GNAQ: variants seen among roughly 807,000 people sequenced by gnomAD.
GNAQ encodes the protein guanine nucleotide-binding protein G(q) subunit alpha.
In GNAQ, 8 loss-of-function variants were observed where a neutral mutation model predicts 43.9. The ratio of observed to expected loss-of-function variants is 0.18; its 90% CI spans 0.11 to 0.33. The LOEUF (loss-of-function observed/expected upper bound fraction) is 0.33. GNAQ is among the 10% of genes least tolerant of loss of function. The probability of loss-of-function intolerance (pLI) is 1.00; values close to 1 mark genes in which losing one functional copy is unlikely to be tolerated. For synonymous variants in GNAQ, 155 were observed against 170.7 expected, an observed-to-expected ratio of 0.91 and a Z score of 0.71; for missense variants, 158 against 450.8, an observed-to-expected ratio of 0.35 and a Z score of 5.88.
chr9:77,888,554 A>G (rs994893773), intron 2 of GNAQ, among the ~76,000 whole-genome samples: 1 of 152,168 alleles, frequency 6.6e-6, no homozygotes, highest in African/African-American at 2.4e-5. Flanking sequence ...CAATCCCCTA[A>G]TGCCTCAGGA....
intron 2 of GNAQ, among the ~76,000 whole-genome samples, chr9:77,850,435 G>A (rs1382508469): frequency 6.6e-6 from 1 of 152,082 alleles, no homozygotes; most frequent in African/African-American, 2.4e-5. Flanking sequence ...TCTCCTGCTC[G>A]GGCCACAGCA....
intron 2 of GNAQ, among the ~76,000 whole-genome samples, chr9:77,880,483 C>T (rs900589109): frequency 3.3e-5 from 5 of 151,736 alleles, no homozygotes; most frequent in Non-Finnish European, 7.4e-5. Context: ...TGGGATCAAG[C>T]GACCCTCCCA....
chr9:77,783,139 GTGATAA>G (rs1826422000), intron 5 of GNAQ, among the ~76,000 whole-genome samples: 1 of 152,194 alleles, frequency 6.6e-6, no homozygotes, highest in African/African-American at 2.4e-5. Context: ...TGTAAACTGG[GTGATAA>G]TGATGTATAT....
At chr9:77,829,615 G>C (rs1382924629) in intron 2 of GNAQ, among the ~76,000 whole-genome samples, 2 of 152,118 alleles carry the variant, frequency 1.3e-5, no homozygotes, top group Non-Finnish European at 2.9e-5. Context: ...CCCACCCGCA[G>C]CCTTGAGAGC....
chr9:77,748,597 G>C (rs1825765909), intron 5 of GNAQ, among the ~76,000 whole-genome samples: 1 of 152,178 alleles, frequency 6.6e-6, no homozygotes, highest in Non-Finnish European at 1.5e-5. Flanking sequence ...AGCCTAAGTG[G>C]TATCTGTAAT....
In GNAQ at chr9:77,716,990, A is replaced by G; in HGVS notation, c.*4333T>C. The stretch of plus-strand genomic sequence containing the variant: ...AAATGACAAGTTTAGGGTCTGTACT[A>G]AGTTATCTACTAAACAGCAGGTGTC... On this transcript the variant is annotated 3_prime_UTR_variant, in exon 7 of 7. Coordinates refer to ENST00000286548, the MANE Select transcript of GNAQ (RefSeq NM_002072.5). 1 of 232,808 alleles carries G rather than the reference A, an allele frequency of 4.3e-6. No individual in the cohort carries two copies. The highest frequency in any genetic ancestry group is 6.1e-5 in the East Asian group (1 of 16,462). 14.4% of individuals were successfully genotyped at this position (232,808 alleles called of 1,614,324 possible). A position where few individuals can be genotyped will look rare whatever the true frequency, so the allele number is the denominator to read the frequency against.
intron 3 of GNAQ, among the ~76,000 whole-genome samples, chr9:77,813,726 G>A (rs1210528695): frequency 6.6e-6 from 1 of 152,118 alleles, no homozygotes; most frequent in Non-Finnish European, 1.5e-5. Context: ...TAGATAATGG[G>A]GGCCTCTGAC....
At chr9:77,761,429 G>A (rs1249481401) in intron 5 of GNAQ, among the ~76,000 whole-genome samples, 704 of 104,876 alleles carry the variant, frequency 6.7e-3, no homozygotes, top group Middle Eastern at 0.019. Flanking sequence ...CCGGCCAGCC[G>A]CCCCTTCCGG....
At chr9:77,780,933 T>G (rs1826384615) in intron 5 of GNAQ, among the ~76,000 whole-genome samples, 1 of 147,936 alleles carries the variant, frequency 6.8e-6, no homozygotes, top group Non-Finnish European at 1.5e-5. Context: ...TTCAGATCAT[T>G]TGCTCATGTA....
intron 5 of GNAQ, among the ~76,000 whole-genome samples, chr9:77,787,485 A>G (rs1826499677): frequency 6.6e-6 from 1 of 152,238 alleles, no homozygotes; most frequent in Non-Finnish European, 1.5e-5. Flanking sequence ...AGATGGATGA[A>G]CTTACCATTC....
At chr9:77,734,913 A>G (rs79852421) in intron 5 of GNAQ, among the ~76,000 whole-genome samples, 1 of 152,194 alleles carries the variant, frequency 6.6e-6, no homozygotes, top group African/African-American at 2.4e-5. Context: ...GCTTTATGAT[A>G]TTTTTAACAC....
At chr9:77,974,625 G>A (rs1180966911) in intron 1 of GNAQ, among the ~76,000 whole-genome samples, 1 of 152,118 alleles carries the variant, frequency 6.6e-6, no homozygotes, top group Non-Finnish European at 1.5e-5. Context: ...GAGGATAATG[G>A]CCTGCACTTT....
intron 1 of GNAQ, chr9:78,030,566 C>T (rs1291187603): frequency 2.1e-6 from 1 of 470,712 alleles, no homozygotes; most frequent in East Asian, 7.0e-5. Flanking sequence ...TCCCCCATTC[C>T]CTCCTGACCC....
intron 2 of GNAQ, among the ~76,000 whole-genome samples, chr9:77,906,799 A>G (rs1326094852): frequency 1.3e-5 from 2 of 152,170 alleles, no homozygotes; most frequent in South Asian, 2.1e-4. Flanking sequence ...CCAAACCTCA[A>G]TGGGGGTTTT....
chr9:77,799,360 T>C (rs1826707083), intron 3 of GNAQ, among the ~76,000 whole-genome samples: 2 of 152,218 alleles, frequency 1.3e-5, no homozygotes, highest in African/African-American at 2.4e-5. Context: ...TAGCATGTTA[T>C]AATTGAACAA....
At position 77,716,561 on chromosome 9, in the gene GNAQ, C is replaced by G. The variant is rs936058110; in HGVS notation, c.*4762G>C. ...GAGTTCTTTGAGGAAAAGAAATCCA[C>G]CAAAAACGTGTTTCAGTCAAAGTAA... is the stretch of plus-strand genomic sequence containing the variant. On this transcript the variant is annotated 3_prime_UTR_variant, in exon 7 of 7. Transcript: ENST00000286548. 7 of 232,816 alleles carry G rather than the reference C, an allele frequency of 3.0e-5. No individual in the cohort carries two copies. In the Admixed American group the frequency reaches 3.9e-4, roughly 13 times the overall value. 14.4% of individuals were successfully genotyped at this position (232,816 alleles called of 1,614,324 possible).
chr9:77,885,997 AC>A (rs1828299195), intron 2 of GNAQ, among the ~76,000 whole-genome samples: 1 of 63,488 alleles, frequency 1.6e-5, no homozygotes, highest in Non-Finnish European at 3.3e-5. Flanking sequence ...TTTTTTTGAG[AC>A]AAGAGTCTTG....
At chr9:77,881,456 G>A (rs1427069929) in intron 2 of GNAQ, among the ~76,000 whole-genome samples, 2 of 152,210 alleles carry the variant, frequency 1.3e-5, no homozygotes, top group Non-Finnish European at 2.9e-5. Flanking sequence ...ATAGCTCACT[G>A]CAGCCTTGAA....
At chr9:77,758,246 T>C (rs1347406185) in intron 5 of GNAQ, among the ~76,000 whole-genome samples, 2 of 152,216 alleles carry the variant, frequency 1.3e-5, no homozygotes, top group East Asian at 3.8e-4. Context: ...AAATTAACCT[T>C]CTAATACAGG....
Sources: allele counts gnomAD v4.1 joint callset (sites outside exome capture counted in the v4.1 genomes callset), GRCh38; gene constraint gnomAD v4.1.1; transcripts MANE v1.5; gene names NCBI Gene and HGNC (gene_info 2026-07-23, HGNC 2026-07-21).